KCNIP4: variants seen among roughly 807,000 people sequenced by gnomAD.
KCNIP4 encodes the protein potassium voltage-gated channel interacting protein 4.
In KCNIP4, 12 loss-of-function variants were observed where a neutral mutation model predicts 34.0. The ratio of observed to expected loss-of-function variants is 0.35; its 90% CI spans 0.23 to 0.57. The LOEUF is 0.57. Ranked by LOEUF, KCNIP4 falls within the 20% of genes least tolerant of loss-of-function variation. KCNIP4 has a pLI of 0.83. For missense variants in KCNIP4, 238 were observed against 311.7 expected (o/e 0.76, Z 1.78); for synonymous variants, 124 against 102.2 (o/e 1.21, Z -1.29).
intron 1 of KCNIP4, among the ~76,000 whole-genome samples, chr4:21,805,319 T>A (rs1244885548): frequency 6.6e-6 from 1 of 152,056 alleles, no homozygotes; most frequent in Non-Finnish European, 1.5e-5. Context: ...ATAATTCCCA[T>A]GTGTTGAGGG....
intron 1 of KCNIP4, among the ~76,000 whole-genome samples, chr4:21,808,207 T>G (rs1721418291): frequency 6.6e-6 from 1 of 152,190 alleles, no homozygotes; most frequent in African/African-American, 2.4e-5. Context: ...TTAGTCTCCC[T>G]TCTTCCTTAG....
intron 1 of KCNIP4, among the ~76,000 whole-genome samples, chr4:21,528,668 T>TA (rs1736191568): frequency 8.5e-6 from 1 of 117,978 alleles, no homozygotes; most frequent in East Asian, 2.5e-4. Context: ...CTCTGTCTCA[T>TA]AAAAAACAAA....
At chr4:20,740,000 G>T (rs545915360) in intron 5 of KCNIP4, among the ~76,000 whole-genome samples, 13 of 152,272 alleles carry the variant, frequency 8.5e-5, no homozygotes, top group African/African-American at 2.9e-4. Context: ...ATCAGTGATT[G>T]AAGATCAAGT....
intron 1 of KCNIP4, among the ~76,000 whole-genome samples, chr4:21,003,310 A>G (rs1738294353): frequency 6.6e-6 from 1 of 152,214 alleles, no homozygotes; most frequent in Admixed American, 6.5e-5. Context: ...AGAAAACAAA[A>G]CAAAACAACA....
At position 21,798,586 on chromosome 4, in the gene KCNIP4, G is replaced by GAAAGAA. The variant is rs34338129; in HGVS notation, c.61+149984_61+149985insTTCTTT. Among the ~76,000 whole-genome samples the GAAAGAA allele has an allele frequency of 6.2e-3, 368 of 59,008 alleles. 3 individuals are homozygous for GAAAGAA. Among genetic ancestry groups the GAAAGAA allele is most frequent in the African/African-American group, 0.014 (347 of 24,118 alleles). 38.7% of individuals were successfully genotyped at this position (59,008 alleles called of 152,430 possible). ...AAAAAGAAAGAAAGAAAGAAAGAAA[G>GAAAGAA]AGAAAAAATGCAAAGAGCCACTCTT... On this transcript the variant is annotated intron_variant, in intron 1 of 8. Transcript: ENST00000382152.
chr4:21,888,639 C>T (rs753932504), intron 1 of KCNIP4, among the ~76,000 whole-genome samples: 6 of 152,068 alleles, frequency 3.9e-5, no homozygotes, highest in Non-Finnish European at 8.8e-5. Context: ...TCTATACCCT[C>T]CCCTTTGTTA....
At chr4:20,946,052 T>C (rs567085396) in intron 1 of KCNIP4, among the ~76,000 whole-genome samples, 97 of 152,274 alleles carry the variant, frequency 6.4e-4, no homozygotes, top group Middle Eastern at 3.4e-3. Context: ...GAGAAGTTTA[T>C]ATATGTCAGA....
intron 1 of KCNIP4, among the ~76,000 whole-genome samples, chr4:20,971,140 A>G (rs1734911295): frequency 1.3e-5 from 2 of 152,352 alleles, no homozygotes; most frequent in South Asian, 4.1e-4. Flanking sequence ...GAAACAGTTT[A>G]GAGTGTTTGG....
intron 1 of KCNIP4, among the ~76,000 whole-genome samples, chr4:21,417,432 A>G (rs1560384964): frequency 6.6e-6 from 1 of 152,122 alleles, no homozygotes; most frequent in Non-Finnish European, 1.5e-5. Context: ...CAAGAGGAAA[A>G]TCTGTGTGGT....
intron 1 of KCNIP4, among the ~76,000 whole-genome samples, chr4:21,819,806 G>A (rs941845193): frequency 2.0e-5 from 3 of 152,052 alleles, no homozygotes; most frequent in Admixed American, 6.6e-5. Context: ...GTTCAAATTT[G>A]TAAGGTTTGA....
intron 1 of KCNIP4, among the ~76,000 whole-genome samples, chr4:21,292,350 T>C (rs1234569726): frequency 9.2e-5 from 14 of 152,136 alleles, no homozygotes; most frequent in Admixed American, 6.6e-5. Context: ...GCTACAATAT[T>C]TGTTTTTGCA....
intron 1 of KCNIP4, among the ~76,000 whole-genome samples, chr4:21,622,623 T>G (rs182551515): frequency 3.1e-3 from 466 of 152,282 alleles, no homozygotes; most frequent in African/African-American, 0.01. Flanking sequence ...CTTCTGCATA[T>G]AAAGAAAGAC....
intron 3 of KCNIP4, among the ~76,000 whole-genome samples, chr4:20,782,687 T>C (rs1473729341): frequency 6.6e-6 from 1 of 152,158 alleles, no homozygotes; most frequent in African/African-American, 2.4e-5. Flanking sequence ...AAACCATTTT[T>C]TTCCTCCTAT....
At chr4:20,904,857 T>C (rs1191563133) in intron 1 of KCNIP4, among the ~76,000 whole-genome samples, 1 of 152,132 alleles carries the variant, frequency 6.6e-6, no homozygotes, top group Non-Finnish European at 1.5e-5. Flanking sequence ...CATCTGAGGA[T>C]GTAGCAGTAA....
chr4:21,016,996 T>C (rs115434260), intron 1 of KCNIP4, among the ~76,000 whole-genome samples: 2,408 of 152,216 alleles, frequency 0.016, 67 homozygotes, highest in African/African-American at 0.055. Context: ...CTTTTGCCAA[T>C]TGATTCTACC....
At chr4:20,899,597 T>G (rs1424871028) in intron 1 of KCNIP4, among the ~76,000 whole-genome samples, 1 of 152,210 alleles carries the variant, frequency 6.6e-6, no homozygotes, top group Non-Finnish European at 1.5e-5. Context: ...TATGCAATTT[T>G]GAAATAGGAC....
chr4:21,196,805 T>C (rs886077597), intron 1 of KCNIP4, among the ~76,000 whole-genome samples: 2 of 152,158 alleles, frequency 1.3e-5, no homozygotes, highest in Admixed American at 6.5e-5. Flanking sequence ...CAATTTAACA[T>C]TGAGGTAGAA....
intron 1 of KCNIP4, among the ~76,000 whole-genome samples, chr4:21,434,655 A>T (rs374868652): frequency 6.6e-6 from 1 of 151,832 alleles, no homozygotes; most frequent in Non-Finnish European, 1.5e-5. Flanking sequence ...CCTGTTGTGA[A>T]CTGTGCCATG....
chr4:20,993,614 T>C (rs1737280270), intron 1 of KCNIP4, among the ~76,000 whole-genome samples: 1 of 152,228 alleles, frequency 6.6e-6, no homozygotes, highest in African/African-American at 2.4e-5. Context: ...ATCATTCTTC[T>C]GGGAATGAGT....
Sources: gnomAD v4.1 joint callset for allele counts (sites outside exome capture counted in the v4.1 genomes callset) on GRCh38, gnomAD v4.1.1 for gene constraint, MANE v1.5 for transcripts, NCBI Gene and HGNC (gene_info 2026-07-23, HGNC 2026-07-21) for gene names.